Variants in DOCK8 observed in about 807,000 individuals in gnomAD.
DOCK8 encodes dedicator of cytokinesis 8, also known as dedicator of cytokinesis protein 8.
In DOCK8, 141 loss-of-function variants were observed where a neutral mutation model predicts 245.6. The ratio of observed to expected loss-of-function variants is 0.57; its 90% confidence interval spans 0.50 to 0.66. The LOEUF (loss-of-function observed/expected upper bound fraction) is 0.66. DOCK8 is among the 30% of genes least tolerant of loss of function. DOCK8 has a pLI of 0.00. For missense variants in DOCK8, 2,965 were observed against 2,603.4 expected (o/e 1.14, Z -3.02); for synonymous variants, 1,168 against 970.2 (o/e 1.20, Z -3.79).
At chr9:275,481 A>G (rs950332774) in intron 2 of DOCK8, among the ~76,000 whole-genome samples, 1 of 152,176 alleles carries the variant, frequency 6.6e-6, no homozygotes, top group African/African-American at 2.4e-5. Context: ...TTCAATCAGA[A>G]TTCCTGGGGG....
intron 14 of DOCK8, among the ~76,000 whole-genome samples, chr9:355,204 T>TTC (rs1563957102): frequency 7.4e-6 from 1 of 134,738 alleles, no homozygotes; most frequent in African/African-American, 2.7e-5. Flanking sequence ...TTTTTTTTTT[T>TTC]TTTTTTTTTT....
chr9:403,947 T>TAC (rs1554694127), intron 26 of DOCK8, among the ~76,000 whole-genome samples: 1 of 80,238 alleles, frequency 1.2e-5, no homozygotes, highest in African/African-American at 8.2e-5. Flanking sequence ...TATATATGTG[T>TAC]ATATATATAT....
intron 27 of DOCK8, among the ~76,000 whole-genome samples, chr9:406,489 A>C (rs1467656029): frequency 1.5e-5 from 1 of 67,880 alleles, no homozygotes; most frequent in African/African-American, 4.6e-5. Context: ...TCTGTCTTTC[A>C]AAAAAAAAAA....
intron 1 of DOCK8, among the ~76,000 whole-genome samples, chr9:225,534 C>T (rs2046971557): frequency 6.6e-6 from 1 of 152,120 alleles, no homozygotes; most frequent in Admixed American, 6.6e-5. Context: ...AAGGAATCAG[C>T]TGGATGTGGG....
chr9:424,922 A>C (rs992349862), intron 33 of DOCK8, among the ~76,000 whole-genome samples: 6 of 152,248 alleles, frequency 3.9e-5, no homozygotes, highest in African/African-American at 1.4e-4. Flanking sequence ...GCCACATGTG[A>C]CTATCAAATG....
At position 404,969 on chromosome 9, in the gene DOCK8, T is replaced by C. The variant is rs1393142064; in HGVS notation, c.3286T>C (p.Phe1096Leu). Residue 1096 changes from phenylalanine to leucine, a missense_variant, in exon 27 of 48, where the codon TTC becomes CTC. Coordinates refer to ENST00000432829, the MANE Select transcript of DOCK8 (RefSeq NM_203447.4). ...AACGCTCATTTCCATGAGGCTAGAG[T>C]TCCTGAGAATCCTCTGTAGCCATGA... Reference protein sequence around the residue: ...LPTLISMRLEFLRILCSHEHY... With the variant: ...LPTLISMRLELLRILCSHEHY... The C allele has an allele frequency of 1.2e-6, 2 of 1,614,096 alleles. No individual in the cohort carries two copies. Among genetic ancestry groups the C allele is most frequent in the Non-Finnish European group, 1.7e-6 (2 of 1,180,016 alleles).
Position 441,945 on chromosome 9 carries a change from A to C in DOCK8, c.5426A>C (p.Glu1809Ala), listed in dbSNP as rs1427101428. ...GGATCCAAATTTGGGGATTTGGATG[A>C]ACAGGAGTTTGTCTACAAAGAGCCT... The part of the protein sequence containing the change: ...FFGSKFGDLD[E>A]QEFVYKEPAI... Residue 1809 changes from glutamate (E) to alanine (A), a missense_variant, in exon 42 of 48, where the codon GAA becomes GCA. Glu to Ala is a moderately radical substitution (Grantham distance 107). Coordinates refer to ENST00000432829, the MANE Select transcript of DOCK8 (RefSeq NM_203447.4). 1 of 1,614,034 alleles carries C rather than the reference A, an allele frequency of 6.2e-7. No homozygotes were observed. The highest frequency in any genetic ancestry group is 8.5e-7 in the Non-Finnish European group (1 of 1,180,026).
At chr9:360,581 A>T (rs968976922) in intron 14 of DOCK8, among the ~76,000 whole-genome samples, 9 of 152,168 alleles carry the variant, frequency 5.9e-5, no homozygotes, top group Non-Finnish European at 1.0e-4. Context: ...CTAACTGAAA[A>T]ATTTTGCATT....
rs146501771 is a variant in DOCK8 at position 397,547 on chromosome 9, G to A, written c.3120+613G>A. Among the ~76,000 whole-genome samples, 471 of 151,594 alleles carry A rather than the reference G, an allele frequency of 3.1e-3. 7 individuals carry two copies. The highest frequency in any genetic ancestry group is 8.6e-3 in the South Asian group (41 of 4,772). The stretch of plus-strand genomic sequence containing the variant: ...CTACTAAAAATATGGAAAATTAGCC[G>A]GGTGTAGTGGCACGTACCTGTAATC... On this transcript the variant is annotated intron_variant, in intron 25 of 47. Coordinates refer to ENST00000432829, the MANE Select transcript of DOCK8 (RefSeq NM_203447.4).
In DOCK8 at chr9:239,463, G is replaced by A. The variant is rs544606664; in HGVS notation, c.53+24434G>A. 3.9e-5 allele frequency among the ~76,000 whole-genome samples: 6 copies of A among 152,286 alleles called. No homozygotes were observed. The East Asian group carries it at 9.6e-4, about 24-fold the overall frequency. Reference sequence around the variant, plus strand: ...GTAATGTATGCAATATGATCACCAGGTATACTTGTATGAGAGATGGGAAAG... The same window carrying A: ...GTAATGTATGCAATATGATCACCAGATATACTTGTATGAGAGATGGGAAAG... On this transcript the variant is annotated intron_variant, in intron 1 of 47. Coordinates refer to ENST00000432829, the MANE Select transcript of DOCK8 (RefSeq NM_203447.4).
chr9:383,779 G>C (rs987666688), intron 22 of DOCK8, among the ~76,000 whole-genome samples: 11 of 151,664 alleles, frequency 7.3e-5, no homozygotes, highest in Non-Finnish European at 1.6e-4. Context: ...CATCCTGAGA[G>C]GGTTGATGGC....
chr9:301,683 A>G (rs1461565792), intron 4 of DOCK8, among the ~76,000 whole-genome samples: 2 of 152,242 alleles, frequency 1.3e-5, no homozygotes, highest in African/African-American at 4.8e-5. Context: ...ACAAAAGTCA[A>G]TAACATTTCC....
chr9:464,189 A>ATG lies in DOCK8; in HGVS notation c.6273_6274dup (p.Glu2092ValfsTer32). On this transcript the variant is annotated frameshift_variant, in exon 48 of 48. Coordinates refer to ENST00000432829, the MANE Select transcript of DOCK8 (RefSeq NM_203447.4). LOFTEE classifies it high-confidence loss of function. Reference sequence around the variant, plus strand: ...CCTTCCACAGATCTAGTTTCAGGAAATGTGAAACCCAGTTGTCACAGGGCA... The same window carrying ATG: ...CCTTCCACAGATCTAGTTTCAGGAAATGTGTGAAACCCAGTTGTCACAGGGCA... 1 of 1,614,012 alleles carries ATG rather than the reference A, an allele frequency of 6.2e-7. No homozygotes were observed. The highest frequency in any genetic ancestry group is 8.5e-7 in the Non-Finnish European group (1 of 1,179,906).
intron 46 of DOCK8, chr9:454,624 G>A (rs1047607068): frequency 6.6e-6 from 1 of 152,208 alleles, no homozygotes; most frequent in Non-Finnish European, 1.5e-5. Context: ...AAGGAGGAAA[G>A]ATTGGAAATA....
intron 1 of DOCK8, among the ~76,000 whole-genome samples, chr9:263,567 C>G (rs752467819): frequency 6.6e-6 from 1 of 152,154 alleles, no homozygotes; most frequent in Non-Finnish European, 1.5e-5. Context: ...TTCAGCACTT[C>G]TGTGTTTCCC....
At chr9:368,482 C>G (rs1797087440) in intron 15 of DOCK8, 1 of 595,602 alleles carries the variant, frequency 1.7e-6, no homozygotes, top group Non-Finnish European at 3.0e-6. Flanking sequence ...TGCTGAGTGT[C>G]TTCCATGCAC....
intron 2 of DOCK8, among the ~76,000 whole-genome samples, chr9:279,268 G>C (rs2048477500): frequency 6.6e-6 from 1 of 152,212 alleles, no homozygotes; most frequent in Non-Finnish European, 1.5e-5. Flanking sequence ...CATTGTGTTT[G>C]AGAGGTCTGT....
chr9:406,995 G>T lies in DOCK8; in HGVS notation c.3456G>T (p.Glu1152Asp). 6.2e-7 allele frequency: 1 copy of T among 1,614,150 alleles called. No homozygotes were observed. Among genetic ancestry groups the T allele is most frequent in the East Asian group, 2.2e-5 (1 of 44,888 alleles). ...CCAGCATGTTCGATCTGACTTCCGA[G>T]TACCGCCAGCAGCACTTCCTCACCG... ...KIASMFDLTS[E>D]YRQQHFLTGL... Residue 1152 changes from glutamate to aspartate, a missense_variant, in exon 28 of 48, where the codon GAG becomes GAT. By Grantham distance (45) the Glu-to-Asp change is conservative. Around this residue, in one of 3 missense-constraint regions of DOCK8, gnomAD observed 2,825 missense variants for 2,453.5 expected, o/e 1.15. Transcript: ENST00000432829.
intron 1 of DOCK8, among the ~76,000 whole-genome samples, chr9:218,782 C>G (rs1019751344): frequency 1.3e-5 from 2 of 152,002 alleles, no homozygotes; most frequent in South Asian, 4.1e-4. Context: ...AAACATTAAC[C>G]CTCTTGTGGA....
Sources: allele counts gnomAD v4.1 joint callset (sites outside exome capture counted in the v4.1 genomes callset), GRCh38; gene constraint gnomAD v4.1.1; regional missense constraint gnomAD v4.1.1; transcripts MANE v1.5; gene names NCBI Gene and HGNC (gene_info 2026-07-23, HGNC 2026-07-21).